Variants in AKAP3 observed in about 807,000 individuals in gnomAD.
The protein encoded by AKAP3 is A-kinase anchor protein 3.
Under a neutral mutation model 57.2 loss-of-function variants are expected in AKAP3, and 27 were observed. The ratio of observed to expected loss-of-function variants is 0.47; its 90% CI spans 0.35 to 0.65. The LOEUF is 0.65. AKAP3 is among the 30% of genes least tolerant of loss of function. The pLI, the probability that AKAP3 is intolerant of heterozygous loss-of-function variation, is 0.01. For missense variants in AKAP3, 959 were observed against 1,040.0 expected, an observed-to-expected ratio of 0.92 and a Z score of 1.07; for synonymous variants, 334 against 392.3, an observed-to-expected ratio of 0.85 and a Z score of 1.76.
At chr12:4,645,236 C>A (rs1016289752) in intron 1 of AKAP3, 44 bp from the exon 2 acceptor site, 9 of 152,162 alleles carry the variant, frequency 5.9e-5, no homozygotes, top group African/African-American at 1.9e-4. Flanking sequence ...ATCACTGTCT[C>A]TATAGCAACA....
Position 4,615,799 on chromosome 12 carries a change from A to T in AKAP3, c.2502T>A (p.Asn834Lys). 6.2e-7 allele frequency: 1 copy of T among 1,614,206 alleles called. No homozygotes were observed. Among genetic ancestry groups the T allele is most frequent in the African/African-American group, 1.3e-5 (1 of 75,062 alleles). The change falls in exon 6 of 6, where the codon AAT becomes AAA. Residue 834 changes from asparagine (N) to lysine (K), a missense_variant. Physicochemically the swap from Asn to Lys is moderately conservative, Grantham distance 94. Coordinates refer to ENST00000228850, the MANE Select transcript of AKAP3 (RefSeq NM_001278309.2). The stretch of plus-strand genomic sequence containing the variant: ...GCGGTGTGACATTCCCCACCGCCTC[A>T]TTCAGCTGGCGCTCCTTCTCATAGC... The part of the protein sequence containing the change: ...VLRYEKERQL[N>K]EAVGNVTPLQ...
intron 4 of AKAP3, among the ~76,000 whole-genome samples, chr12:4,631,862 T>C (rs751208606): frequency 5.3e-5 from 8 of 152,242 alleles, no homozygotes; most frequent in Non-Finnish European, 8.8e-5. Flanking sequence ...TATTATACAA[T>C]TGTATGCTTT....
rs1005226197 is a variant in AKAP3, at chr12:4,626,844, C to T, written c.2058G>A (p.Lys686=). 1.5e-5 allele frequency: 24 copies of T among 1,606,998 alleles called. No individual in the cohort carries two copies. Among genetic ancestry groups the T allele is most frequent in the African/African-American group, 2.8e-5 (2 of 72,082 alleles). ...GCTCTGCCAACGAAGCATCACAGGA[C>T]TTAGCAATGATGACACACAGCTTCA... The part of the protein sequence containing the change: ...SVMKLCVIIA[K]SCDASLAELG... Residue 686 remains lysine (K), a synonymous_variant, in exon 5 of 6, where the codon AAG becomes AAA. Transcript: ENST00000228850.
intron 4 of AKAP3, among the ~76,000 whole-genome samples, chr12:4,630,950 C>T (rs1945490586): frequency 6.6e-6 from 1 of 151,928 alleles, no homozygotes; most frequent in Admixed American, 6.5e-5. Context: ...TTATTTTGCC[C>T]TTCTTTGAAA....
chr12:4,616,046 T>TCACCAACCTCCTTC, intron 5 of AKAP3, 152 bp from the exon 6 acceptor site: 2 of 867,186 alleles, frequency 2.3e-6, no homozygotes, highest in Non-Finnish European at 3.5e-6. Flanking sequence ...CAGAAGGAGG[T>TCACCAACCTCCTTC]TGGTGACTTC....
intron 4 of AKAP3, chr12:4,635,523 T>G: frequency 1.5e-6 from 1 of 686,424 alleles, no homozygotes; most frequent in Non-Finnish European, 2.7e-6. Context: ...AATAATAAAC[T>G]ATTGTCATCT....
intron 4 of AKAP3, chr12:4,631,469 T>C: frequency 1.6e-6 from 1 of 623,422 alleles, no homozygotes; most frequent in African/African-American, 1.9e-5. Flanking sequence ...TATCAGTGTC[T>C]GTATCACTAT....
chr12:4,634,863 T>A (rs1330106045), intron 4 of AKAP3, among the ~76,000 whole-genome samples: 1 of 152,186 alleles, frequency 6.6e-6, no homozygotes, highest in Non-Finnish European at 1.5e-5. Context: ...GAATGTTCAT[T>A]TAAAATACTG....
Position 4,627,386 on chromosome 12 carries a change from G to C in AKAP3, c.1516C>G (p.Pro506Ala). Residue 506 changes from proline to alanine, a missense_variant, in exon 5 of 6, where the codon CCT (proline) becomes GCT (alanine). Pro to Ala is a conservative substitution (Grantham distance 27). Transcript: ENST00000228850. ...YPEDIGNLSLPPYPPEKPENF... is the reference protein window; with the variant it reads ...YPEDIGNLSLAPYPPEKPENF... ...TCAGGTTTCTCTGGAGGATATGGAG[G>C]AAGGCTGAGGTTGCCAATATCTTCA... The C allele has an allele frequency of 6.2e-7, 1 of 1,614,056 alleles. No individual in the cohort carries two copies. Among genetic ancestry groups the C allele is most frequent in the Non-Finnish European group, 8.5e-7 (1 of 1,180,016 alleles).
At position 4,627,288 on chromosome 12, in the gene AKAP3, G is replaced by A. The variant is rs759161070; in HGVS notation, c.1614C>T (p.His538=). 3.1e-6 allele frequency: 5 copies of A among 1,613,928 alleles called. No homozygotes were observed. Among genetic ancestry groups the A allele is most frequent in the Non-Finnish European group, 3.4e-6 (4 of 1,180,008 alleles). The change falls in exon 5 of 6, where the codon CAC becomes CAT. Residue 538 remains histidine (H), a synonymous_variant. Transcript: ENST00000228850. ...CATCCCTTCTTCCTCCCTGGGCCAGGTGATATTGAATCAGAAGCAGGGCAG... is the reference window on the plus strand; with the variant it reads ...CATCCCTTCTTCCTCCCTGGGCCAGATGATATTGAATCAGAAGCAGGGCAG... ...IVSALLLIQY[H]LAQGGRRDAR... is the part of the protein sequence containing the mutation.
Position 4,627,280 on chromosome 12 carries a change from T to A in AKAP3, c.1622A>T (p.Gln541Leu). Residue 541 changes from glutamine to leucine, a missense_variant, in exon 5 of 6, where the codon CAG becomes CTG. Physicochemically the swap from Gln to Leu is moderately radical, Grantham distance 113. Coordinates refer to ENST00000228850, the MANE Select transcript of AKAP3 (RefSeq NM_001278309.2). ...ALLLIQYHLAQGGRRDARSFV... is the reference protein window; with the variant it reads ...ALLLIQYHLALGGRRDARSFV... ...GCTCCGTGCATCCCTTCTTCCTCCC[T>A]GGGCCAGGTGATATTGAATCAGAAG... The A allele has an allele frequency of 6.2e-7, 1 of 1,614,012 alleles. No homozygotes were observed. The highest frequency in any genetic ancestry group is 2.2e-5 in the East Asian group (1 of 44,870).
intron 4 of AKAP3, among the ~76,000 whole-genome samples, chr12:4,637,706 A>C (rs1483360929): frequency 6.6e-6 from 1 of 152,134 alleles, no homozygotes; most frequent in Non-Finnish European, 1.5e-5. Flanking sequence ...AGTTCTGAGA[A>C]TTTTAAGGCA....
At chr12:4,641,681 T>C (rs1945639647) in intron 3 of AKAP3, among the ~76,000 whole-genome samples, 1 of 152,198 alleles carries the variant, frequency 6.6e-6, no homozygotes, top group Admixed American at 6.5e-5. Context: ...GGCCAAAGAA[T>C]TGGAAGACTT....
chr12:4,635,745 A>G lies in AKAP3; in HGVS notation c.96+2356T>C, dbSNP rs1295075063. The G allele has an allele frequency of 1.1e-5, 8 of 718,598 alleles. No homozygotes were observed. In the Admixed American group the frequency reaches 1.6e-4, roughly 14 times the overall value. The allele number at this position is 718,598 out of a possible 1,614,324, so 44.5% of individuals were successfully genotyped here. A position where few individuals can be genotyped will look rare whatever the true frequency, so the allele number is the denominator to read the frequency against. On this transcript the variant is annotated intron_variant, in intron 4 of 5. Coordinates refer to ENST00000228850, the MANE Select transcript of AKAP3 (RefSeq NM_001278309.2). ...TAGTACATTGGTGCTAGGCTACGGT[A>G]TCATTCTTGACCAGCTGTATCCTGT...
intron 5 of AKAP3, among the ~76,000 whole-genome samples, chr12:4,621,654 G>A (rs1945349264): frequency 6.6e-6 from 1 of 152,122 alleles, no homozygotes; most frequent in Non-Finnish European, 1.5e-5. Flanking sequence ...ATACCAGCTA[G>A]GTTTGTGTAA....
At chr12:4,642,112 G>C (rs1308612841) in intron 2 of AKAP3, 108 bp from the exon 3 acceptor site, 1 of 152,148 alleles carries the variant, frequency 6.6e-6, no homozygotes, top group Non-Finnish European at 1.5e-5. Context: ...GTGCATTTAA[G>C]TAATGAGCTC....
At chr12:4,647,496 G>T (rs1442762340) in intron 1 of AKAP3, among the ~76,000 whole-genome samples, 1 of 150,832 alleles carries the variant, frequency 6.6e-6, no homozygotes, top group Non-Finnish European at 1.5e-5. Flanking sequence ...AATACAGTAA[G>T]ACCCCATCTC....
At chr12:4,636,990 C>G (rs1276060826) in intron 4 of AKAP3, among the ~76,000 whole-genome samples, 1 of 152,216 alleles carries the variant, frequency 6.6e-6, no homozygotes, top group Non-Finnish European at 1.5e-5. Context: ...AAGCAATCCT[C>G]CCACCTTGGC....
chr12:4,632,687 C>T (rs1174132411), intron 4 of AKAP3, among the ~76,000 whole-genome samples: 2 of 152,278 alleles, frequency 1.3e-5, no homozygotes, highest in East Asian at 1.9e-4. Flanking sequence ...GTCACCCAGG[C>T]TGGAGTGCAG....
Sources: gnomAD v4.1 joint callset for allele counts (sites outside exome capture counted in the v4.1 genomes callset) on GRCh38, gnomAD v4.1.1 for gene constraint, MANE v1.5 for transcripts, NCBI Gene and HGNC (gene_info 2026-07-23, HGNC 2026-07-21) for gene names.